The following FAM3C variants were observed in gnomAD, a reference collection of about 807,000 sequenced individuals.
The protein encoded by FAM3C is protein FAM3C.
A neutral mutation model predicts 32.5 loss-of-function variants in FAM3C; 15 were observed. That is an observed-to-expected ratio of 0.46 (90% CI 0.31 to 0.71). FAM3C has a LOEUF of 0.71. Ranked by LOEUF, FAM3C falls within the 30% of genes least tolerant of loss-of-function variation. The pLI is 0.05. For synonymous variants in FAM3C, 75 were observed against 86.1 expected (o/e 0.87, Z 0.72); for missense variants, 175 against 274.4 (o/e 0.64, Z 2.56).
chr7:121,365,574 C>T (rs1794007931), intron 5 of FAM3C, among the ~76,000 whole-genome samples: 1 of 151,972 alleles, frequency 6.6e-6, no homozygotes, highest in Non-Finnish European at 1.5e-5. Flanking sequence ...TCAAAAGAAA[C>T]ACTTTTTTAA....
intron 8 of FAM3C, among the ~76,000 whole-genome samples, chr7:121,356,159 A>G (rs1793803938): frequency 6.6e-6 from 1 of 151,460 alleles, no homozygotes; most frequent in Admixed American, 6.6e-5. Context: ...TCTAGTCTGC[A>G]TGAATATTCA....
At chr7:121,360,754 G>C (rs762379764) in intron 7 of FAM3C, among the ~76,000 whole-genome samples, 3 of 152,150 alleles carry the variant, frequency 2.0e-5, no homozygotes, top group Non-Finnish European at 4.4e-5. Flanking sequence ...GAACTGCTTT[G>C]AGGCCAGGAG....
chr7:121,360,271 A>C, intron 7 of FAM3C, 144 bp from the exon 8 acceptor site: 148 of 564,110 alleles, frequency 2.6e-4, no homozygotes, highest in East Asian at 4.3e-4. Flanking sequence ...GACAAATCTC[A>C]TAAAGAGTTT....
chr7:121,389,741 G>A (rs1400266471), intron 1 of FAM3C, among the ~76,000 whole-genome samples: 8 of 151,332 alleles, frequency 5.3e-5, no homozygotes, highest in Non-Finnish European at 7.4e-5. Context: ...GAGGGCTGTG[G>A]ACTCTCTAAC....
At chr7:121,395,930 C>T (rs1794684610) in intron 1 of FAM3C, among the ~76,000 whole-genome samples, 1 of 151,632 alleles carries the variant, frequency 6.6e-6, no homozygotes, top group Non-Finnish European at 1.5e-5. Context: ...ATGCCCACGC[C>T]GGGGCGGCGG....
intron 7 of FAM3C, among the ~76,000 whole-genome samples, chr7:121,360,343 G>C (rs1793894917): frequency 3.9e-5 from 6 of 152,062 alleles, no homozygotes; most frequent in Admixed American, 3.9e-4. Flanking sequence ...TCCCATTCCT[G>C]ATTTATCCTG....
At chr7:121,390,853 C>T (rs4727923) in intron 1 of FAM3C, among the ~76,000 whole-genome samples, 1,113 of 7,326 alleles carry the variant, frequency 0.15, 84 homozygotes, top group Middle Eastern at 0.39. Flanking sequence ...CTGTGTGGGG[C>T]GGGGGGGGGG....
intron 3 of FAM3C, 99 bp from the exon 4 acceptor site, chr7:121,372,238 A>G: frequency 1.4e-6 from 1 of 733,684 alleles, no homozygotes; most frequent in Non-Finnish European, 2.4e-6. Flanking sequence ...TGTTCAAATA[A>G]TGATTCAGTA....
intron 8 of FAM3C, among the ~76,000 whole-genome samples, chr7:121,357,781 A>AT (rs1487207781): frequency 1.3e-5 from 2 of 152,122 alleles, no homozygotes; most frequent in Non-Finnish European, 2.9e-5. Flanking sequence ...GGTGCATTTA[A>AT]TGGGCACCAA....
chr7:121,392,776 AAATG>A (rs1465284358), intron 1 of FAM3C, among the ~76,000 whole-genome samples: 2 of 152,224 alleles, frequency 1.3e-5, no homozygotes, highest in African/African-American at 4.8e-5. Flanking sequence ...AAAATTTAAC[AAATG>A]AATAAACAAA....
At chr7:121,362,289 T>C (rs1362636749) in intron 7 of FAM3C, among the ~76,000 whole-genome samples, 1 of 152,132 alleles carries the variant, frequency 6.6e-6, no homozygotes. Context: ...CTTCCAAATA[T>C]GGAAGGGGAA....
intron 1 of FAM3C, among the ~76,000 whole-genome samples, chr7:121,384,011 C>T (rs781178527): frequency 2.6e-5 from 4 of 152,044 alleles, no homozygotes; most frequent in Non-Finnish European, 5.9e-5. Context: ...AATAATGGCA[C>T]ATCTCTGAAG....
chr7:121,384,183 CA>C (rs1794418133), intron 1 of FAM3C, among the ~76,000 whole-genome samples: 1 of 152,092 alleles, frequency 6.6e-6, no homozygotes, highest in African/African-American at 2.4e-5. Context: ...AAAGAAAAAA[CA>C]ACACTTAAAC....
At chr7:121,357,182 G>C (rs1793830992) in intron 8 of FAM3C, among the ~76,000 whole-genome samples, 1 of 152,118 alleles carries the variant, frequency 6.6e-6, no homozygotes, top group Non-Finnish European at 1.5e-5. Context: ...CTGCAAAGCA[G>C]GCTCATCATG....
chr7:121,363,422 G>A (rs1173651918), intron 6 of FAM3C, among the ~76,000 whole-genome samples: 1 of 152,046 alleles, frequency 6.6e-6, no homozygotes, highest in Non-Finnish European at 1.5e-5. Context: ...TAATGAAATA[G>A]ACAGATGTTG....
intron 6 of FAM3C, 23 bp downstream of exon 6, chr7:121,364,107 T>C (rs1049592715): frequency 6.6e-6 from 10 of 1,506,350 alleles, no homozygotes; most frequent in Non-Finnish European, 9.2e-6. Flanking sequence ...ATTACATCCA[T>C]AAGCTAAAAT....
At position 121,381,972 on chromosome 7, in the gene FAM3C, T is replaced by C. The variant is rs144099071; in HGVS notation, c.13+985A>G. Among the ~76,000 whole-genome samples the C allele has an allele frequency of 1.1e-4, 17 of 152,308 alleles. No homozygotes were observed. The East Asian group carries it at 3.3e-3, about 29-fold the overall frequency. ...TGTTCACCCAGCTTGACTTTAGGCA[T>C]TTCTAAGAGATGCTCCCTTAGGAAA... On this transcript the variant is annotated intron_variant, in intron 2 of 9. Coordinates refer to ENST00000359943, the MANE Select transcript of FAM3C (RefSeq NM_014888.3).
intron 8 of FAM3C, among the ~76,000 whole-genome samples, chr7:121,353,163 T>G (rs1303108436): frequency 6.6e-6 from 1 of 152,192 alleles, no homozygotes; most frequent in African/African-American, 2.4e-5. Flanking sequence ...CAGGAAAAAT[T>G]CCCTGCAAAA....
chr7:121,350,658 A>C (rs2116859173), intron 9 of FAM3C, 108 bp from the exon 10 acceptor site: 1 of 1,154,134 alleles, frequency 8.7e-7, no homozygotes, highest in East Asian at 2.4e-5. Flanking sequence ...GTCAACAATA[A>C]GTTCATTTAA....
Sources: allele counts gnomAD v4.1 joint callset (sites outside exome capture counted in the v4.1 genomes callset), GRCh38; gene constraint gnomAD v4.1.1; transcripts MANE v1.5; gene names NCBI Gene and HGNC (gene_info 2026-07-23, HGNC 2026-07-21).